NRXN3: variants seen among roughly 807,000 people sequenced by gnomAD.
The protein encoded by NRXN3 is neurexin III.
NRXN3 carries 32 observed loss-of-function variants against 137.6 expected under a neutral mutation model. The observed-to-expected ratio is 0.23, with a 90% CI of 0.18 to 0.31. The LOEUF is 0.31. Ranked by LOEUF, NRXN3 falls within the 10% of genes least tolerant of loss-of-function variation. The probability of loss-of-function intolerance (pLI) is 1.00; values close to 1 mark genes in which losing one functional copy is unlikely to be tolerated. For missense variants in NRXN3, 1,574 were observed against 2,062.5 expected (o/e 0.76, Z 4.59); for synonymous variants, 798 against 784.5 (o/e 1.02, Z -0.29).
intron 4 of NRXN3, among the ~76,000 whole-genome samples, chr14:78,352,933 A>G (rs2083751290): frequency 6.6e-6 from 1 of 152,190 alleles, no homozygotes; most frequent in Admixed American, 6.5e-5. Context: ...TCCTGTCAAC[A>G]CAGTGATCCA....
chr14:79,062,988 G>T (rs979451406), intron 15 of NRXN3, among the ~76,000 whole-genome samples: 12 of 152,064 alleles, frequency 7.9e-5, no homozygotes, highest in African/African-American at 2.9e-4. Context: ...TTTTGAGAAA[G>T]GGGGGGAGGA....
At chr14:78,886,846 A>G (rs540240567) in intron 10 of NRXN3, among the ~76,000 whole-genome samples, 1 of 152,244 alleles carries the variant, frequency 6.6e-6, no homozygotes, top group Non-Finnish European at 1.5e-5. Context: ...AGGCTGTGGG[A>G]TTCTGCACAG....
intron 16 of NRXN3, among the ~76,000 whole-genome samples, chr14:79,548,868 G>A (rs2097347585): frequency 6.6e-6 from 1 of 152,100 alleles, no homozygotes; most frequent in Non-Finnish European, 1.5e-5. Flanking sequence ...TGCTTCCTGA[G>A]CACAGACATT....
intron 15 of NRXN3, 67 bp from the exon 16 acceptor site, chr14:79,467,154 C>A: frequency 6.8e-7 from 1 of 1,476,814 alleles, no homozygotes; most frequent in South Asian, 1.3e-5. Flanking sequence ...AGGGTCTCAA[C>A]AGTGTGCTAC....
intron 3 of NRXN3, among the ~76,000 whole-genome samples, chr14:78,289,822 G>T (rs2075615648): frequency 6.6e-6 from 1 of 152,166 alleles, no homozygotes; most frequent in African/African-American, 2.4e-5. Context: ...GCTGGGGCAG[G>T]AGAATCGCTT....
intron 8 of NRXN3, among the ~76,000 whole-genome samples, chr14:78,746,836 C>T (rs1163212978): frequency 6.6e-6 from 1 of 152,102 alleles, no homozygotes; most frequent in Admixed American, 6.6e-5. Context: ...AGTGCCTTTG[C>T]AACATATTTT....
intron 4 of NRXN3, among the ~76,000 whole-genome samples, chr14:78,459,649 G>A (rs932598309): frequency 6.6e-6 from 1 of 152,208 alleles, no homozygotes; most frequent in African/African-American, 2.4e-5. Context: ...GGGTGATGGA[G>A]TGGGATGATG....
intron 1 of NRXN3, among the ~76,000 whole-genome samples, chr14:78,203,544 CAG>C (rs1249674194): frequency 6.6e-6 from 1 of 152,094 alleles, no homozygotes; most frequent in Non-Finnish European, 1.5e-5. Flanking sequence ...TGGCCACATG[CAG>C]AGAGGTGGAA....
In NRXN3 at chr14:79,786,191, T is replaced by C. The variant is rs1464387629; in HGVS notation, c.4015-18921T>C. Reference sequence around the variant, plus strand: ...CAGCCACAAAAGAGAATTAAAGCTATAGACTGTTTATGGACTGTCTTCACT... The same window carrying C: ...CAGCCACAAAAGAGAATTAAAGCTACAGACTGTTTATGGACTGTCTTCACT... On this transcript the variant is annotated intron_variant, in intron 19 of 20. Coordinates refer to ENST00000335750, the MANE Select transcript of NRXN3 (RefSeq NM_001330195.2). 2.0e-5 allele frequency among the ~76,000 whole-genome samples: 3 copies of C among 152,328 alleles called. No homozygotes were observed. In the South Asian group the frequency reaches 6.2e-4, roughly 32 times the overall value.
intron 8 of NRXN3, among the ~76,000 whole-genome samples, chr14:78,732,593 T>C (rs565198826): frequency 3.0e-4 from 46 of 152,300 alleles, no homozygotes; most frequent in Non-Finnish European, 6.0e-4. Context: ...CCATTGATAC[T>C]TCAACTCATC....
intron 1 of NRXN3, among the ~76,000 whole-genome samples, chr14:78,240,528 C>T (rs1019608637): frequency 6.6e-6 from 1 of 152,196 alleles, no homozygotes; most frequent in Non-Finnish European, 1.5e-5. Flanking sequence ...CTTTTGCAAG[C>T]AGTTGCAGCT....
chr14:79,022,806 T>C (rs1240149518), intron 15 of NRXN3, among the ~76,000 whole-genome samples: 1 of 152,168 alleles, frequency 6.6e-6, no homozygotes, highest in African/African-American at 2.4e-5. Context: ...GTTTTGTGCA[T>C]TGCAAACAGG....
intron 18 of NRXN3, 52 bp downstream of exon 18, chr14:79,692,314 T>A: frequency 7.6e-7 from 1 of 1,316,824 alleles, no homozygotes; most frequent in Non-Finnish European, 1.1e-6. Context: ...TAAACCCTCA[T>A]TTTTAAAGCC....
At chr14:79,733,167 C>A (rs550949547) in intron 19 of NRXN3, among the ~76,000 whole-genome samples, 6 of 152,260 alleles carry the variant, frequency 3.9e-5, no homozygotes, top group Admixed American at 2.0e-4. Flanking sequence ...AAGTGACAGA[C>A]TCCATATTCA....
intron 15 of NRXN3, among the ~76,000 whole-genome samples, chr14:79,294,575 C>G (rs1013537673): frequency 6.6e-6 from 1 of 152,222 alleles, no homozygotes; most frequent in Admixed American, 6.5e-5. Flanking sequence ...GCATAAATGA[C>G]TTGATCAGAG....
rs562368299 is a variant in NRXN3, at chr14:78,297,102, A to C, written c.728-729A>C. Among the ~76,000 whole-genome samples the C allele has an allele frequency of 9.2e-5, 14 of 152,322 alleles. No individual in the cohort carries two copies. The South Asian group carries it at 2.9e-3, about 32-fold the overall frequency. On this transcript the variant is annotated intron_variant, in intron 3 of 20. Transcript: ENST00000335750. Reference sequence around the variant, plus strand: ...TATTGGGACTTTACATACCTTTTATAACCATTCAGTGCTTGGCTAGTCCTC... The same window carrying C: ...TATTGGGACTTTACATACCTTTTATCACCATTCAGTGCTTGGCTAGTCCTC...
intron 8 of NRXN3, among the ~76,000 whole-genome samples, chr14:78,737,752 G>A (rs557345560): frequency 6.6e-6 from 1 of 152,248 alleles, no homozygotes; most frequent in African/African-American, 2.4e-5. Flanking sequence ...GTCTCCTGAG[G>A]AGGGGGAGCA....
At chr14:78,877,664 A>G (rs936711648) in intron 10 of NRXN3, among the ~76,000 whole-genome samples, 3 of 152,196 alleles carry the variant, frequency 2.0e-5, no homozygotes, top group Non-Finnish European at 4.4e-5. Flanking sequence ...ATCCATGTGT[A>G]ATGTTAAGTT....
At chr14:79,756,300 C>G (rs918602257) in intron 19 of NRXN3, among the ~76,000 whole-genome samples, 1 of 152,164 alleles carries the variant, frequency 6.6e-6, no homozygotes, top group Non-Finnish European at 1.5e-5. Context: ...CTCTCCCACT[C>G]TGGGTTCATA....
Sources: allele counts gnomAD v4.1 joint callset (sites outside exome capture counted in the v4.1 genomes callset), GRCh38; gene constraint gnomAD v4.1.1; transcripts MANE v1.5; gene names NCBI Gene and HGNC (gene_info 2026-07-23, HGNC 2026-07-21).